Variants in RPS6KA2 observed in about 807,000 individuals in gnomAD.
RPS6KA2 encodes the protein ribosomal protein S6 kinase alpha-2.
RPS6KA2 carries 42 observed loss-of-function variants against 91.8 expected under a neutral mutation model. That is an observed-to-expected ratio of 0.46 (90% CI 0.36 to 0.59). RPS6KA2 has a LOEUF of 0.59. Among genes scored for constraint, RPS6KA2 ranks in the 20% least tolerant of loss-of-function variants. The pLI is 0.00. For missense variants in RPS6KA2, 798 were observed against 978.5 expected (o/e 0.82, Z 2.46); for synonymous variants, 414 against 393.6 (o/e 1.05, Z -0.61).
At position 166,553,151 on chromosome 6, in the gene RPS6KA2, C is replaced by T. The variant is rs145532614; in HGVS notation, c.100-14367G>A. Among the ~76,000 whole-genome samples the T allele has an allele frequency of 3.9e-3, 589 of 152,352 alleles. 6 individuals carry two copies. Among genetic ancestry groups the T allele is most frequent in the African/African-American group, 0.014 (573 of 41,574 alleles). On this transcript the variant is annotated intron_variant, in intron 1 of 20. Transcript: ENST00000265678. ...TTTTTATTTTTGAAACAGGGTCTCA[C>T]TCTGTTGCCTGGGCTGGAGTGCAGT...
chr6:166,816,391 CAAA>C lies in RPS6KA2; in HGVS notation c.123+41806_123+41808del, dbSNP rs61347721. Reference sequence around the variant, plus strand: ...TGAAACCCCGTCTCTACTAAAAATACAAAAAAAAAAAAAAATAGCTGGGTGTGG... The same window carrying C: ...TGAAACCCCGTCTCTACTAAAAATACAAAAAAAAAAAATAGCTGGGTGTGG... On this transcript the variant is annotated intron_variant, in intron 2 of 21. Transcript: ENST00000503859. Among the ~76,000 whole-genome samples the C allele has an allele frequency of 9.1e-3, 1,088 of 120,074 alleles. 19 individuals carry two copies. The highest frequency in any genetic ancestry group is 0.021 in the Middle Eastern group (5 of 242). The allele number at this position is 120,074 out of a possible 152,430, so 78.8% of individuals were successfully genotyped here.
intron 2 of RPS6KA2, among the ~76,000 whole-genome samples, chr6:166,677,098 T>C (rs111695825): frequency 3.6e-4 from 55 of 152,322 alleles, no homozygotes; most frequent in African/African-American, 1.2e-3. Context: ...TTGTTTTGCG[T>C]ATTTTGAAAA....
At chr6:166,542,691 G>A (rs1234107298) in intron 1 of RPS6KA2, among the ~76,000 whole-genome samples, 1 of 152,226 alleles carries the variant, frequency 6.6e-6, no homozygotes, top group Admixed American at 6.5e-5. Context: ...AGCAGCTGCT[G>A]GGAGCGGCTG....
intron 2 of RPS6KA2, among the ~76,000 whole-genome samples, chr6:166,776,626 T>C (rs914768205): frequency 2.4e-4 from 37 of 152,236 alleles, no homozygotes; most frequent in Admixed American, 4.6e-4. Flanking sequence ...TGGGTTCACC[T>C]GCTCTGGGCA....
chr6:166,766,800 G>A (rs1218640815), intron 2 of RPS6KA2, among the ~76,000 whole-genome samples: 1 of 152,250 alleles, frequency 6.6e-6, no homozygotes, highest in African/African-American at 2.4e-5. Flanking sequence ...GTTTGGGGCT[G>A]GAACGCAGAA....
intron 2 of RPS6KA2, among the ~76,000 whole-genome samples, chr6:166,807,172 G>C (rs1288805134): frequency 6.6e-6 from 1 of 152,050 alleles, no homozygotes; most frequent in Non-Finnish European, 1.5e-5. Context: ...AAATGTAAAT[G>C]GATTAAACTC....
chr6:166,712,204 G>A (rs780358885), intron 2 of RPS6KA2, among the ~76,000 whole-genome samples: 1 of 152,204 alleles, frequency 6.6e-6, no homozygotes, highest in Non-Finnish European at 1.5e-5. Flanking sequence ...GGTACCTGGA[G>A]AATGTTTTTG....
At chr6:166,550,994 C>CAAAGAAAAAAAAA (rs1784003036) in intron 1 of RPS6KA2, among the ~76,000 whole-genome samples, 1 of 106,380 alleles carries the variant, frequency 9.4e-6, no homozygotes, top group Non-Finnish European at 2.0e-5. Flanking sequence ...GACTCTATCT[C>CAAAGAAAAAAAAA]AAAAAAAAAA....
At chr6:166,780,712 T>G (rs752820385) in intron 2 of RPS6KA2, among the ~76,000 whole-genome samples, 10 of 152,184 alleles carry the variant, frequency 6.6e-5, no homozygotes, top group African/African-American at 1.7e-4. Context: ...GGTGGTCTTT[T>G]ATGGGCATTT....
chr6:166,470,264 G>A (rs145256706), intron 10 of RPS6KA2, among the ~76,000 whole-genome samples: 327 of 152,338 alleles, frequency 2.1e-3, no homozygotes, highest in African/African-American at 7.2e-3. Flanking sequence ...TGAGCACCAG[G>A]TGGACCTCCC....
intron 2 of RPS6KA2, among the ~76,000 whole-genome samples, chr6:166,707,027 GA>G (rs1406875932): frequency 6.6e-6 from 1 of 152,172 alleles, no homozygotes; most frequent in Non-Finnish European, 1.5e-5. Context: ...ACTCAAAATA[GA>G]ACAAAGTCCA....
intron 2 of RPS6KA2, among the ~76,000 whole-genome samples, chr6:166,820,654 G>A (rs1027453402): frequency 6.6e-6 from 1 of 152,108 alleles, no homozygotes; most frequent in South Asian, 2.1e-4. Context: ...TTATAATATT[G>A]AAAGGTTTAT....
intron 2 of RPS6KA2, among the ~76,000 whole-genome samples, chr6:166,774,989 C>T (rs1054000780): frequency 3.9e-5 from 6 of 151,928 alleles, no homozygotes; most frequent in Non-Finnish European, 7.4e-5. Context: ...GGTGGCACTG[C>T]GGATATTTTT....
intron 2 of RPS6KA2, among the ~76,000 whole-genome samples, chr6:166,754,546 C>A (rs1777942227): frequency 6.6e-6 from 1 of 151,900 alleles, no homozygotes; most frequent in Admixed American, 6.6e-5. Context: ...AGGATTAGGG[C>A]AGGAGGATGT....
At chr6:166,795,628 T>C (rs1779204143) in intron 2 of RPS6KA2, among the ~76,000 whole-genome samples, 1 of 152,228 alleles carries the variant, frequency 6.6e-6, no homozygotes, top group Non-Finnish European at 1.5e-5. Flanking sequence ...AGGGGTCCCC[T>C]GCACCAAGCT....
chr6:166,788,641 C>G (rs554809995), intron 2 of RPS6KA2, among the ~76,000 whole-genome samples: 3 of 152,010 alleles, frequency 2.0e-5, no homozygotes, highest in East Asian at 1.9e-4. Flanking sequence ...AACAATGAGA[C>G]CACTTGGACT....
Position 166,650,148 on chromosome 6 carries a change from C to CAA in RPS6KA2, c.124-111366_124-111365dup, listed in dbSNP as rs71800915. ...GGCTCATTTGTTTTGTTGGGAATTA[C>CAA]AAAAAAAAAAAAAAAAAGCACAATT... On this transcript the variant is annotated intron_variant, in intron 2 of 21. Coordinates refer to the RPS6KA2 transcript ENST00000503859. Among the ~76,000 whole-genome samples, 15 of 94,746 alleles carry CAA rather than the reference C, an allele frequency of 1.6e-4. No individual in the cohort carries two copies. In the East Asian group the frequency reaches 2.7e-3, roughly 17 times the overall value. The allele number at this position is 94,746 out of a possible 152,430, so 62.2% of individuals were successfully genotyped here. A position where few individuals can be genotyped will look rare whatever the true frequency, so the allele number is the denominator to read the frequency against.
chr6:166,613,358 A>G (rs1786260282), intron 1 of RPS6KA2, among the ~76,000 whole-genome samples: 1 of 152,244 alleles, frequency 6.6e-6, no homozygotes, highest in Non-Finnish European at 1.5e-5. Context: ...TATAACGAGA[A>G]ACATGGAGTT....
intron 1 of RPS6KA2, among the ~76,000 whole-genome samples, chr6:166,562,203 C>T (rs759893017): frequency 3.0e-4 from 46 of 152,182 alleles, no homozygotes; most frequent in Non-Finnish European, 5.4e-4. Context: ...ACACTCCAAG[C>T]AGCACCACTT....
Sources: allele counts gnomAD v4.1 joint callset (sites outside exome capture counted in the v4.1 genomes callset), GRCh38; gene constraint gnomAD v4.1.1; transcripts MANE v1.5; gene names NCBI Gene and HGNC (gene_info 2026-07-23, HGNC 2026-07-21).